The following PLXNA1 variants were observed in gnomAD, a reference collection of about 807,000 sequenced individuals.
The protein encoded by PLXNA1 is plexin A1.
PLXNA1 carries 77 observed loss-of-function variants against 191.7 expected under a neutral mutation model. The observed-to-expected ratio is 0.40, with a 90% confidence interval of 0.33 to 0.49. The LOEUF is 0.49. Among genes scored for constraint, PLXNA1 ranks in the 20% least tolerant of loss-of-function variants. The probability of loss-of-function intolerance (pLI) is 0.63; values close to 1 mark genes in which losing one functional copy is unlikely to be tolerated. For missense variants in PLXNA1, 2,110 were observed against 2,660.2 expected, an observed-to-expected ratio of 0.79 and a Z score of 4.55; for synonymous variants, 1,137 against 1,156.4, an observed-to-expected ratio of 0.98 and a Z score of 0.34.
At chr3:127,028,672 C>G in intron 25 of PLXNA1, 2 of 522,330 alleles carry the variant, frequency 3.8e-6, no homozygotes, top group Non-Finnish European at 6.8e-6. Flanking sequence ...TGGGGTGGGG[C>G]CCGGAGTCCT....
chr3:127,037,181 C>T lies in PLXNA1; in HGVS notation c.*3164C>T, dbSNP rs904405674. On this transcript the variant is annotated 3_prime_UTR_variant, in exon 32 of 32. Coordinates refer to ENST00000393409, the MANE Select transcript of PLXNA1 (RefSeq NM_032242.4). ...CCCACAATTAGCTGTCCTTTAACAC[C>T]GCAGAACCCCCTCCCAGAAGAAGAG... 2.0e-5 allele frequency: 3 copies of T among 152,634 alleles called. No individual in the cohort carries two copies. The highest frequency in any genetic ancestry group is 4.4e-5 in the Non-Finnish European group (3 of 68,056). The allele number at this position is 152,634 out of a possible 1,614,324, so 9.5% of individuals were successfully genotyped here. A position where few individuals can be genotyped will look rare whatever the true frequency, so the allele number is the denominator to read the frequency against.
intron 3 of PLXNA1, among the ~76,000 whole-genome samples, chr3:126,998,484 G>A (rs913474091): frequency 2.0e-5 from 3 of 152,184 alleles, no homozygotes; most frequent in African/African-American, 7.2e-5. Flanking sequence ...CAAGCCCCAG[G>A]TTAGCCCGGA....
In PLXNA1 at chr3:127,016,696, C is replaced by A. The variant is rs2079125484; in HGVS notation, c.3182+12C>A. On this transcript the variant is annotated intron_variant, in intron 16 of 31. Coordinates refer to ENST00000393409, the MANE Select transcript of PLXNA1 (RefSeq NM_032242.4). Reference sequence around the variant, plus strand: ...TGGAGCATCAACAGGTGGGGCCCAGCAACACCCATTCCCTATCCCCAGCTA... The same window carrying A: ...TGGAGCATCAACAGGTGGGGCCCAGAAACACCCATTCCCTATCCCCAGCTA... 1.2e-6 allele frequency: 2 copies of A among 1,613,534 alleles called. No individual in the cohort carries two copies. Among genetic ancestry groups the A allele is most frequent in the Admixed American group, 3.3e-5 (2 of 60,000 alleles).
chr3:127,011,120 C>T (rs925166080), intron 9 of PLXNA1, among the ~76,000 whole-genome samples: 2 of 152,230 alleles, frequency 1.3e-5, no homozygotes, highest in African/African-American at 2.4e-5. Context: ...GGCCACTGTG[C>T]GTGCCTGTGC....
chr3:126,989,456 A>G lies in PLXNA1; in HGVS notation c.863A>G (p.Asp288Gly). 2.5e-6 allele frequency: 4 copies of G among 1,613,600 alleles called. No homozygotes were observed. Among genetic ancestry groups the G allele is most frequent in the Non-Finnish European group, 3.4e-6 (4 of 1,180,030 alleles). Residue 288 changes from aspartate (D) to glycine (G), a missense_variant, in exon 2 of 32, where the codon GAC (aspartate) becomes GGC (glycine). Transcript: ENST00000393409. ...TCCAAGATCGTGCGGCTCTGTGTGG[A>G]CGACCCCAAATTCTACTCGTACGTT... ...FTSKIVRLCV[D>G]DPKFYSYVEF... is the part of the protein sequence containing the mutation.
chr3:126,996,420 A>G (rs866223588), intron 3 of PLXNA1, among the ~76,000 whole-genome samples: 6 of 152,142 alleles, frequency 3.9e-5, no homozygotes, highest in South Asian at 2.1e-4. Flanking sequence ...GGAATTTGTA[A>G]GTTCTGGAAG....
chr3:126,998,434 C>A (rs1315865255), intron 3 of PLXNA1, among the ~76,000 whole-genome samples: 3 of 152,154 alleles, frequency 2.0e-5, no homozygotes, highest in Non-Finnish European at 4.4e-5. Flanking sequence ...CCCCACAGGA[C>A]CCGTGCTGGT....
chr3:127,017,549 G>T lies in PLXNA1; in HGVS notation c.3401G>T (p.Arg1134Leu). ...DELGFVMDNV[R>L]SLLVLNSTSF... The stretch of plus-strand genomic sequence containing the variant: ...CTGGGCTTCGTCATGGACAACGTGC[G>T]CTCCCTGCTTGTGCTCAACTCCACC... Residue 1134 changes from arginine to leucine, a missense_variant, in exon 18 of 32, where the codon CGC (arginine) becomes CTC (leucine). Arg to Leu is a moderately radical substitution (Grantham distance 102). This residue lies in a region of PLXNA1 where 644 missense variants were observed against 714.3 expected (regional missense o/e 0.90). Coordinates refer to ENST00000393409, the MANE Select transcript of PLXNA1 (RefSeq NM_032242.4). 1.2e-6 allele frequency: 2 copies of T among 1,613,666 alleles called. No individual in the cohort carries two copies. Among genetic ancestry groups the T allele is most frequent in the Non-Finnish European group, 1.7e-6 (2 of 1,180,014 alleles).
chr3:127,003,084 C>T (rs904379988), intron 3 of PLXNA1, among the ~76,000 whole-genome samples: 4 of 152,066 alleles, frequency 2.6e-5, no homozygotes, highest in African/African-American at 9.7e-5. Context: ...CCTCTGCTGA[C>T]TGTTAAAGGG....
rs915282890 is a variant in PLXNA1 at position 127,035,608 on chromosome 3, TTTAA to T, written c.*1597_*1600del. On this transcript the variant is annotated 3_prime_UTR_variant, in exon 32 of 32. Coordinates refer to ENST00000393409, the MANE Select transcript of PLXNA1 (RefSeq NM_032242.4). Reference sequence around the variant, plus strand: ...GGTTGTTAGACCCTTTTTTATGTTTTTTAATTAATCAGTCACTTGTAAAAGCAAA... The same window carrying T: ...GGTTGTTAGACCCTTTTTTATGTTTTTTAATCAGTCACTTGTAAAAGCAAA... 2.0e-5 allele frequency: 3 copies of T among 152,646 alleles called. No individual in the cohort carries two copies. The highest frequency in any genetic ancestry group is 7.2e-5 in the African/African-American group (3 of 41,460). 9.5% of individuals were successfully genotyped at this position (152,646 alleles called of 1,614,324 possible). A position where few individuals can be genotyped will look rare whatever the true frequency, so the allele number is the denominator to read the frequency against.
chr3:127,030,723 CAG>C (rs998232372), intron 29 of PLXNA1, among the ~76,000 whole-genome samples: 14 of 152,348 alleles, frequency 9.2e-5, no homozygotes, highest in South Asian at 6.2e-4. Context: ...GCGTGAGAAA[CAG>C]GGCACAGTGG....
Position 127,029,449 on chromosome 3 carries a change from G to A in PLXNA1, c.4783G>A (p.Gly1595Arg), listed in dbSNP as rs761950168. ...NTLAHYQVTD[G>R]SSVALVPKQT... ...GGCCCTCTGCCCACAGGTGACAGAC[G>A]GGTCCTCGGTGGCACTGGTGCCCAA... Residue 1595 changes from glycine to arginine, a missense_variant, in exon 27 of 32, where the codon GGG becomes AGG. Around this residue, in one of 4 missense-constraint regions of PLXNA1, gnomAD observed 559 missense variants for 911.5 expected, o/e 0.61. Transcript: ENST00000393409. 33 of 1,613,670 alleles carry A rather than the reference G, an allele frequency of 2.0e-5. No homozygotes were observed. The highest frequency in any genetic ancestry group is 1.6e-4 in the Middle Eastern group (1 of 6,082).
At chr3:126,990,720 C>T (rs1395863087) in intron 2 of PLXNA1, among the ~76,000 whole-genome samples, 2 of 152,238 alleles carry the variant, frequency 1.3e-5, no homozygotes, top group African/African-American at 4.8e-5. Flanking sequence ...TTCCGTCTCA[C>T]GCTCACTGCC....
At chr3:126,998,045 G>T (rs756782261) in intron 3 of PLXNA1, among the ~76,000 whole-genome samples, 2 of 152,210 alleles carry the variant, frequency 1.3e-5, no homozygotes, top group Non-Finnish European at 2.9e-5. Context: ...CTGGCAGCGT[G>T]CAGTGGGTAT....
At chr3:126,984,049 C>G (rs2078945315) in intron 1 of PLXNA1, among the ~76,000 whole-genome samples, 1 of 152,206 alleles carries the variant, frequency 6.6e-6, no homozygotes, top group Non-Finnish European at 1.5e-5. Context: ...CCGCTTCTCC[C>G]GGAGGCTTCC....
At chr3:126,985,690 A>AT (rs779102266) in intron 1 of PLXNA1, among the ~76,000 whole-genome samples, 237 of 152,138 alleles carry the variant, frequency 1.6e-3, no homozygotes, top group Non-Finnish European at 2.9e-3. Flanking sequence ...GAATGAATGC[A>AT]TTTTTTCCTA....
chr3:127,020,089 G>A lies in PLXNA1; in HGVS notation c.3896-113G>A, dbSNP rs574920820. On this transcript the variant is annotated intron_variant, in intron 20 of 31. Transcript: ENST00000393409. Reference sequence around the variant, plus strand: ...GGCACAGTAGTTTCCTTAAGATCACGAAACCAGTAAGTGTCAGAGCCAGGA... The same window carrying A: ...GGCACAGTAGTTTCCTTAAGATCACAAAACCAGTAAGTGTCAGAGCCAGGA... 490 of 1,371,130 alleles carry A rather than the reference G, an allele frequency of 3.6e-4. 2 individuals carry two copies. The African/African-American group carries it at 6.3e-3, about 18-fold the overall frequency. 84.9% of individuals were successfully genotyped at this position (1,371,130 alleles called of 1,614,324 possible). A position where few individuals can be genotyped will look rare whatever the true frequency, so the allele number is the denominator to read the frequency against.
intron 8 of PLXNA1, among the ~76,000 whole-genome samples, chr3:127,007,292 T>C (rs1262439496): frequency 6.6e-6 from 1 of 152,134 alleles, no homozygotes; most frequent in African/African-American, 2.4e-5. Flanking sequence ...CCCTGGGGTG[T>C]GTCAGAGGGA....
intron 15 of PLXNA1, 65 bp from the exon 16 acceptor site, chr3:127,016,452 A>T: frequency 6.8e-7 from 1 of 1,474,716 alleles, no homozygotes. Flanking sequence ...CCCTCAATGC[A>T]TCTGCATTCC....
Sources: gnomAD v4.1 joint callset for allele counts (sites outside exome capture counted in the v4.1 genomes callset) on GRCh38, gnomAD v4.1.1 for gene constraint, gnomAD v4.1.1 regional missense constraint, MANE v1.5 for transcripts, NCBI Gene and HGNC (gene_info 2026-07-23, HGNC 2026-07-21) for gene names.